The following TENM2 variants were observed in gnomAD, a reference collection of about 807,000 sequenced individuals.
The protein encoded by TENM2 is teneurin transmembrane protein 2, also known as teneurin-2.
In TENM2, 52 loss-of-function variants were observed where a neutral mutation model predicts 245.2. That is an observed-to-expected ratio of 0.21 (90% CI 0.17 to 0.27). The LOEUF (loss-of-function observed/expected upper bound fraction) is 0.27, where lower values mean the gene tolerates loss of function less well. TENM2 is among the 10% of genes least tolerant of loss of function. The pLI is 1.00. For synonymous variants in TENM2, 1,363 were observed against 1,438.9 expected, an observed-to-expected ratio of 0.95 and a Z score of 1.19; for missense variants, 3,046 against 3,666.8, an observed-to-expected ratio of 0.83 and a Z score of 4.37.
intron 3 of TENM2, among the ~76,000 whole-genome samples, chr5:167,938,244 CA>C (rs201027580): frequency 6.6e-6 from 1 of 152,048 alleles, no homozygotes; most frequent in Non-Finnish European, 1.5e-5. Flanking sequence ...GGTGTGCAAG[CA>C]AAAAACCTGC....
chr5:167,787,114 G>T (rs1764631011), intron 2 of TENM2, among the ~76,000 whole-genome samples: 1 of 152,194 alleles, frequency 6.6e-6, no homozygotes, highest in South Asian at 2.1e-4. Context: ...GCTGTTCAAG[G>T]TTCTAAACTG....
intron 2 of TENM2, among the ~76,000 whole-genome samples, chr5:167,452,420 T>C (rs1018767935): frequency 6.6e-6 from 1 of 152,142 alleles, no homozygotes; most frequent in African/African-American, 2.4e-5. Context: ...CTCTTATGGT[T>C]GGGAACAGAA....
chr5:167,289,211 T>C (rs1754501711), intron 1 of TENM2, among the ~76,000 whole-genome samples: 1 of 152,170 alleles, frequency 6.6e-6, no homozygotes, highest in South Asian at 2.1e-4. Context: ...GGTCATCACC[T>C]TTTTGCACAA....
At chr5:168,150,463 C>T (rs1233091741) in intron 12 of TENM2, among the ~76,000 whole-genome samples, 1 of 152,208 alleles carries the variant, frequency 6.6e-6, no homozygotes, top group African/African-American at 2.4e-5. Flanking sequence ...CATGCGGGGG[C>T]TTCCCCAAGT....
At chr5:167,330,889 A>G (rs1477946441) in intron 1 of TENM2, among the ~76,000 whole-genome samples, 3 of 152,182 alleles carry the variant, frequency 2.0e-5, no homozygotes, top group South Asian at 2.1e-4. Context: ...ATGCGTAGAC[A>G]TAAGTTTTGG....
the TENM2 span, among the ~76,000 whole-genome samples, chr5:167,112,549 C>T: frequency 6.6e-6 from 1 of 152,108 alleles, no homozygotes; most frequent in African/African-American, 2.4e-5. Context: ...TGTTTCGGTC[C>T]ACTATCTCAT....
In TENM2 at chr5:167,845,604, G is replaced by A. The variant is rs186723247; in HGVS notation, c.503-30382G>A. Among the ~76,000 whole-genome samples, 355 of 152,238 alleles carry A rather than the reference G, an allele frequency of 2.3e-3. 1 individual carries two copies. Among genetic ancestry groups the A allele is most frequent in the African/African-American group, 8.2e-3 (339 of 41,538 alleles). On this transcript the variant is annotated intron_variant, in intron 2 of 28. Coordinates refer to ENST00000518659, the Ensembl canonical transcript of TENM2. ...CAGCTGGCATATGGAATAAAATATG[G>A]GAATAGTGGGGGGAATATGTACCCC...
At chr5:167,432,289 G>A (rs927648743) in intron 2 of TENM2, among the ~76,000 whole-genome samples, 1 of 151,688 alleles carries the variant, frequency 6.6e-6, no homozygotes, top group African/African-American at 2.4e-5. Context: ...AGATTGAAAA[G>A]CAGTGTTTTC....
chr5:167,531,969 G>A (rs1013521219), intron 2 of TENM2, among the ~76,000 whole-genome samples: 2 of 152,110 alleles, frequency 1.3e-5, no homozygotes, highest in Admixed American at 1.3e-4. Flanking sequence ...TGGAAAAAGA[G>A]CATCTCTTAA....
chr5:167,280,752 G>GTCTA (rs1770998568), upstream of TENM2, among the ~76,000 whole-genome samples: 4 of 130,156 alleles, frequency 3.1e-5, no homozygotes, highest in African/African-American at 5.8e-5. Context: ...CTGTCTATCT[G>GTCTA]TCTGTCTATC....
intron 2 of TENM2, among the ~76,000 whole-genome samples, chr5:167,504,433 C>T (rs1769411175): frequency 6.6e-6 from 1 of 152,084 alleles, no homozygotes; most frequent in Admixed American, 6.6e-5. Context: ...GTGGATTTTT[C>T]CTACAGTTCA....
At chr5:168,254,495 AGGAAGAAGG>A (rs145324392) in intron 27 of TENM2, among the ~76,000 whole-genome samples, 5,608 of 152,008 alleles carry the variant, frequency 0.037, 150 homozygotes, top group Middle Eastern at 0.065. Context: ...GAAGAGGAAG[AGGAAGAAGG>A]GGAGGAAGAG....
rs567724036 is a variant in TENM2 at position 168,046,324 on chromosome 5, C to T, written c.1187-1103C>T. Among the ~76,000 whole-genome samples, 294 of 152,264 alleles carry T rather than the reference C, an allele frequency of 1.9e-3. 2 individuals carry two copies. The highest frequency in any genetic ancestry group is 6.8e-3 in the African/African-American group (281 of 41,556). Reference sequence around the variant, plus strand: ...CCTGTCAACAGCCCTTTCTCTCCTGCGGTGGTAGGAATGTAGCAACAGTGT... The same window carrying T: ...CCTGTCAACAGCCCTTTCTCTCCTGTGGTGGTAGGAATGTAGCAACAGTGT... On this transcript the variant is annotated intron_variant, in intron 5 of 28. Coordinates refer to ENST00000518659, the Ensembl canonical transcript of TENM2.
At chr5:167,712,101 A>G (rs1274260877) in intron 2 of TENM2, among the ~76,000 whole-genome samples, 1 of 152,042 alleles carries the variant, frequency 6.6e-6, no homozygotes, top group Non-Finnish European at 1.5e-5. Flanking sequence ...TCAGGACAGG[A>G]TGAAGTAGGT....
intron 2 of TENM2, among the ~76,000 whole-genome samples, chr5:167,411,423 A>C (rs952896138): frequency 2.0e-5 from 3 of 152,060 alleles, no homozygotes; most frequent in African/African-American, 7.2e-5. Flanking sequence ...ACCTTTGTGG[A>C]GTACGCTGAG....
chr5:167,985,238 C>T (rs890973832), intron 4 of TENM2, among the ~76,000 whole-genome samples: 1 of 152,192 alleles, frequency 6.6e-6, no homozygotes, highest in African/African-American at 2.4e-5. Flanking sequence ...TATCCTTCCC[C>T]TAGCTTTTGA....
At chr5:167,508,498 C>G (rs577286374) in intron 2 of TENM2, among the ~76,000 whole-genome samples, 1 of 152,260 alleles carries the variant, frequency 6.6e-6, no homozygotes, top group South Asian at 2.1e-4. Context: ...TATTCACAGT[C>G]TTTGAAGGAA....
At chr5:167,268,571 A>C in the TENM2 span, among the ~76,000 whole-genome samples, 2 of 152,154 alleles carry the variant, frequency 1.3e-5, no homozygotes, top group Non-Finnish European at 2.9e-5. Context: ...AAGCTATTTG[A>C]CCAGAATTCC....
chr5:167,680,488 C>T (rs534676503), intron 2 of TENM2, among the ~76,000 whole-genome samples: 1 of 152,114 alleles, frequency 6.6e-6, no homozygotes, highest in South Asian at 2.1e-4. Context: ...GGGAAGTCCT[C>T]TAAGTTACAG....
Sources: gnomAD v4.1 joint callset for allele counts (sites outside exome capture counted in the v4.1 genomes callset) on GRCh38, gnomAD v4.1.1 for gene constraint, MANE v1.5 for transcripts, NCBI Gene and HGNC (gene_info 2026-07-23, HGNC 2026-07-21) for gene names.